MACROD2: variants seen among roughly 807,000 people sequenced by gnomAD.
The protein encoded by MACROD2 is mono-ADP ribosylhydrolase 2.
A neutral mutation model predicts 70.4 loss-of-function variants in MACROD2; 36 were observed. The observed-to-expected ratio is 0.51, with a 90% CI of 0.39 to 0.68. MACROD2 has a LOEUF of 0.68. Ranked by LOEUF, MACROD2 falls within the 30% of genes least tolerant of loss-of-function variation. MACROD2 has a pLI of 0.00. For synonymous variants in MACROD2, 172 were observed against 178.8 expected (o/e 0.96, Z 0.30); for missense variants, 496 against 538.4 (o/e 0.92, Z 0.78).
At chr20:14,420,118 A>G (rs1296934162) in intron 3 of MACROD2, among the ~76,000 whole-genome samples, 2 of 150,864 alleles carry the variant, frequency 1.3e-5, no homozygotes, top group Admixed American at 1.3e-4. Flanking sequence ...ATTTCTTACC[A>G]TAGGGCCCAT....
intron 4 of MACROD2, among the ~76,000 whole-genome samples, chr20:14,647,812 C>G (rs1985474692): frequency 6.6e-6 from 1 of 152,052 alleles, no homozygotes; most frequent in African/African-American, 2.4e-5. Flanking sequence ...ACCACTATTC[C>G]TGTTCATTTT....
chr20:15,253,696 A>G (rs1282902178), intron 6 of MACROD2, among the ~76,000 whole-genome samples: 4 of 152,158 alleles, frequency 2.6e-5, no homozygotes, highest in Non-Finnish European at 5.9e-5. Context: ...TGGGAAACTG[A>G]TACAATCTCA....
intron 5 of MACROD2, among the ~76,000 whole-genome samples, chr20:14,874,289 CATTTATTTATTTATTT>C (rs150117074): frequency 2.3e-5 from 3 of 131,326 alleles, no homozygotes; most frequent in Non-Finnish European, 3.5e-5. Flanking sequence ...AATGGAGATT[CATTTATTTATTTATTT>C]ATTTATTTAT....
At chr20:14,794,734 T>C (rs965906907) in intron 5 of MACROD2, among the ~76,000 whole-genome samples, 1 of 152,152 alleles carries the variant, frequency 6.6e-6, no homozygotes, top group African/African-American at 2.4e-5. Context: ...AAATGTTTAC[T>C]GGGGTCTTAT....
intron 7 of MACROD2, among the ~76,000 whole-genome samples, chr20:15,462,370 A>G (rs1184991213): frequency 6.6e-6 from 1 of 152,194 alleles, no homozygotes; most frequent in East Asian, 1.9e-4. Context: ...ACCACCAGAA[A>G]CTGATTTAGC....
At chr20:15,843,569 G>C (rs932564819) in intron 8 of MACROD2, among the ~76,000 whole-genome samples, 2 of 152,156 alleles carry the variant, frequency 1.3e-5, no homozygotes, top group Non-Finnish European at 2.9e-5. Flanking sequence ...AAACTAACTA[G>C]CTGCAAATCG....
At chr20:14,507,948 C>A (rs2084987296) in intron 4 of MACROD2, among the ~76,000 whole-genome samples, 1 of 152,040 alleles carries the variant, frequency 6.6e-6, no homozygotes, top group Non-Finnish European at 1.5e-5. Flanking sequence ...TATTTAAAGG[C>A]AAATATACTA....
intron 5 of MACROD2, among the ~76,000 whole-genome samples, chr20:15,143,856 G>GTTCA (rs1296514564): frequency 6.7e-6 from 1 of 149,856 alleles, no homozygotes; most frequent in Non-Finnish European, 1.5e-5. Context: ...GAGAAGGGGT[G>GTTCA]TTCAATCTTT....
Position 15,308,190 on chromosome 20 carries a change from CAT to C in MACROD2, c.540+78131_540+78132del, listed in dbSNP as rs1248543870. Among the ~76,000 whole-genome samples the C allele has an allele frequency of 1.1e-4, 17 of 152,240 alleles. No homozygotes were observed. In the East Asian group the frequency reaches 3.1e-3, roughly 28 times the overall value. On this transcript the variant is annotated intron_variant, in intron 6 of 17. Coordinates refer to ENST00000684519, the MANE Select transcript of MACROD2 (RefSeq NM_001351661.2). ...TATCTTTGCAGACATACTGTGGAGA[CAT>C]AATGTAAATATCCTGTTTGTCATCA...
Position 15,021,520 on chromosome 20 carries a change from G to GTA in MACROD2, c.419-208411_419-208410dup, listed in dbSNP as rs572477931. On this transcript the variant is annotated intron_variant, in intron 5 of 17. Coordinates refer to ENST00000684519, the MANE Select transcript of MACROD2 (RefSeq NM_001351661.2). ...TGTATACATATATGCCTATATGTGT[G>GTA]TATATATATACATATGTATATATAT... The GTA allele has an allele frequency of 1.5e-4, 22 of 150,580 alleles. 1 individual carries two copies. The South Asian group carries it at 1.7e-3, about 11-fold the overall frequency. The allele number at this position is 150,580 out of a possible 1,614,324, so 9.3% of individuals were successfully genotyped here. A position where few individuals can be genotyped will look rare whatever the true frequency, so the allele number is the denominator to read the frequency against.
At chr20:15,515,961 G>A (rs1359586046) in intron 8 of MACROD2, among the ~76,000 whole-genome samples, 5 of 152,204 alleles carry the variant, frequency 3.3e-5, no homozygotes, top group Non-Finnish European at 7.3e-5. Context: ...ATTGGAGACA[G>A]TCAAGACTTC....
intron 3 of MACROD2, among the ~76,000 whole-genome samples, chr20:14,167,833 C>A (rs2148721958): frequency 6.6e-6 from 1 of 152,272 alleles, no homozygotes; most frequent in Middle Eastern, 3.4e-3. Context: ...TTTACGAAGA[C>A]TCTCCTGTGT....
chr20:15,559,432 G>A (rs2048213695), intron 8 of MACROD2, among the ~76,000 whole-genome samples: 1 of 152,112 alleles, frequency 6.6e-6, no homozygotes, highest in Admixed American at 6.6e-5. Context: ...TTATTTTTGA[G>A]TTTAAATATT....
At chr20:14,862,205 A>G (rs1395072724) in intron 5 of MACROD2, among the ~76,000 whole-genome samples, 1 of 13,232 alleles carries the variant, frequency 7.6e-5, no homozygotes, top group Non-Finnish European at 1.3e-4. Context: ...ATAAATATAT[A>G]AATATATATA....
intron 5 of MACROD2, among the ~76,000 whole-genome samples, chr20:14,866,120 A>G (rs2090921915): frequency 6.6e-6 from 1 of 152,160 alleles, no homozygotes; most frequent in Admixed American, 6.6e-5. Flanking sequence ...GAATGAACAA[A>G]TAAGTGAATA....
intron 5 of MACROD2, among the ~76,000 whole-genome samples, chr20:15,052,505 G>T (rs888203509): frequency 6.6e-6 from 1 of 152,098 alleles, no homozygotes; most frequent in East Asian, 1.9e-4. Context: ...ATAGTGATCC[G>T]TAGTCAGTGA....
intron 5 of MACROD2, among the ~76,000 whole-genome samples, chr20:14,943,871 TTTCATTAATTCAAGTTGCTTTGATGATGC>T (rs1387836916): frequency 2.0e-5 from 3 of 151,542 alleles, no homozygotes; most frequent in Non-Finnish European, 2.9e-5. Context: ...AGTTCATGTA[TTTCATTAATTCAAGTTGCTTTGATGATGC>T]CTACTTTTGT....
chr20:15,926,450 A>C (rs1449903039), intron 10 of MACROD2, among the ~76,000 whole-genome samples: 1 of 152,198 alleles, frequency 6.6e-6, no homozygotes, highest in African/African-American at 2.4e-5. Flanking sequence ...GCTTACATTC[A>C]AGGAGGGGCA....
intron 2 of MACROD2, among the ~76,000 whole-genome samples, chr20:14,034,917 T>C (rs1211535043): frequency 1.3e-5 from 2 of 152,250 alleles, no homozygotes; most frequent in East Asian, 3.8e-4. Context: ...GTATACATTT[T>C]ATACACAGTT....
Sources: gnomAD v4.1 joint callset for allele counts (sites outside exome capture counted in the v4.1 genomes callset) on GRCh38, gnomAD v4.1.1 for gene constraint, MANE v1.5 for transcripts, NCBI Gene and HGNC (gene_info 2026-07-23, HGNC 2026-07-21) for gene names.